The following CYP2C19 variants were observed in gnomAD, a reference collection of about 807,000 sequenced individuals.
CYP2C19 encodes the protein cytochrome P450 2C19.
CYP2C19 carries 59 observed loss-of-function variants against 40.9 expected under a neutral mutation model. That is an observed-to-expected ratio of 1.44 (90% confidence interval 1.17 to 1.79). The LOEUF is 1.79. CYP2C19 is among the 40% of genes most tolerant of loss of function. The probability of loss-of-function intolerance (pLI) is 0.00; values close to 1 mark genes in which losing one functional copy is unlikely to be tolerated. For missense variants in CYP2C19, 754 were observed against 596.9 expected (o/e 1.26, Z -2.74); for synonymous variants, 253 against 208.7 (o/e 1.21, Z -1.83).
At chr10:94,771,752 T>G (rs1166328005) in intron 1 of CYP2C19, among the ~76,000 whole-genome samples, 1 of 152,088 alleles carries the variant, frequency 6.6e-6, no homozygotes, top group Non-Finnish European at 1.5e-5. Context: ...TCAGAATAGT[T>G]GCACTCACTG....
chr10:94,826,126 G>A (rs1175061799), intron 6 of CYP2C19, among the ~76,000 whole-genome samples: 4 of 152,140 alleles, frequency 2.6e-5, no homozygotes, highest in Non-Finnish European at 5.9e-5. Flanking sequence ...GCTTAGGAAT[G>A]ACTTGGTGAT....
chr10:94,811,366 G>A (rs1442142864), intron 5 of CYP2C19, among the ~76,000 whole-genome samples: 3 of 152,116 alleles, frequency 2.0e-5, no homozygotes, highest in African/African-American at 7.2e-5. Context: ...TGTTGATTTA[G>A]GGTGGAGAGT....
rs1848842131 is a variant in CYP2C19 at position 94,806,772 on chromosome 10, CA to C, written c.820-13723del. On this transcript the variant is annotated intron_variant, in intron 5 of 8. Coordinates refer to ENST00000371321, the MANE Select transcript of CYP2C19 (RefSeq NM_000769.4). Reference sequence around the variant, plus strand: ...ATTTATAATTTATTATTTTAGTGGGCACAATAATTGTACATATTTATGGGGT... The same window carrying C: ...ATTTATAATTTATTATTTTAGTGGGCCAATAATTGTACATATTTATGGGGT... Among the ~76,000 whole-genome samples the C allele has an allele frequency of 2.7e-5, 4 of 149,856 alleles. No individual in the cohort carries two copies. The South Asian group carries it at 6.3e-4, about 24-fold the overall frequency.
chr10:94,813,043 G>A (rs574492381), intron 5 of CYP2C19, among the ~76,000 whole-genome samples: 1 of 151,760 alleles, frequency 6.6e-6, no homozygotes, highest in Admixed American at 6.6e-5. Context: ...CCTTTGAATG[G>A]GTTTTTTGCG....
chr10:94,780,194 C>T (rs1246603118), intron 3 of CYP2C19, among the ~76,000 whole-genome samples: 1 of 152,090 alleles, frequency 6.6e-6, no homozygotes, highest in Non-Finnish European at 1.5e-5. Context: ...CCCTCTGAAA[C>T]TTGAATTATT....
At chr10:94,852,649 G>C in intron 8 of CYP2C19, 84 bp from the exon 9 acceptor site, 2 of 1,457,348 alleles carry the variant, frequency 1.4e-6, no homozygotes, top group South Asian at 2.3e-5. Context: ...TGCATATTCT[G>C]TCTGTGCCAG....
intron 3 of CYP2C19, among the ~76,000 whole-genome samples, chr10:94,778,831 C>A (rs1564662380): frequency 6.6e-6 from 1 of 152,112 alleles, no homozygotes; most frequent in Non-Finnish European, 1.5e-5. Flanking sequence ...TATTGCAGCA[C>A]TATTTACAAT....
At chr10:94,831,488 A>T (rs1289759683) in intron 6 of CYP2C19, among the ~76,000 whole-genome samples, 1 of 152,256 alleles carries the variant, frequency 6.6e-6, no homozygotes, top group Non-Finnish European at 1.5e-5. Context: ...ACAGCTCTCC[A>T]TAGTGGTCAT....
At chr10:94,826,749 G>T (rs1459602867) in intron 6 of CYP2C19, among the ~76,000 whole-genome samples, 1 of 152,152 alleles carries the variant, frequency 6.6e-6, no homozygotes, top group Admixed American at 6.5e-5. Flanking sequence ...TTTTCAAAGG[G>T]AATGCTTCCA....
chr10:94,763,755 C>G (rs577345260), intron 1 of CYP2C19, among the ~76,000 whole-genome samples: 1 of 151,858 alleles, frequency 6.6e-6, no homozygotes, highest in Non-Finnish European at 1.5e-5. Flanking sequence ...TTGAAGGCCC[C>G]GTGTTATTAG....
At chr10:94,832,157 A>G (rs973579618) in intron 6 of CYP2C19, among the ~76,000 whole-genome samples, 1 of 152,174 alleles carries the variant, frequency 6.6e-6, no homozygotes, top group Non-Finnish European at 1.5e-5. Flanking sequence ...TATTGATGAG[A>G]TGGTCTTTCC....
At chr10:94,851,575 T>C (rs545784047) in intron 8 of CYP2C19, among the ~76,000 whole-genome samples, 5 of 152,298 alleles carry the variant, frequency 3.3e-5, no homozygotes, top group South Asian at 2.1e-4. Context: ...AGGCAACTGA[T>C]AAATAACAGA....
Position 94,816,335 on chromosome 10 carries a change from G to A in CYP2C19, c.820-4161G>A, listed in dbSNP as rs559247420. On this transcript the variant is annotated intron_variant, in intron 5 of 8. Coordinates refer to ENST00000371321, the MANE Select transcript of CYP2C19 (RefSeq NM_000769.4). ...ATTGTTTATGCAAAACAAAGTAGCC[G>A]GTATAATTAGACAGTCATTTGTAAC... 3.3e-3 allele frequency among the ~76,000 whole-genome samples: 498 copies of A among 150,432 alleles called. 3 individuals are homozygous for A. Among genetic ancestry groups the A allele is most frequent in the African/African-American group, 0.011 (455 of 40,966 alleles).
chr10:94,835,403 G>C lies in CYP2C19; in HGVS notation c.962-7434G>C, dbSNP rs1015822886. Among the ~76,000 whole-genome samples, 18 of 152,122 alleles carry C rather than the reference G, an allele frequency of 1.2e-4. 1 individual carries two copies. Among genetic ancestry groups the C allele is most frequent in the Non-Finnish European group, 2.2e-4 (15 of 68,026 alleles). On this transcript the variant is annotated intron_variant, in intron 6 of 8. Transcript: ENST00000371321. ...CTTTTTTGGTGGCTAGCCATCCCGA[G>C]GGGAGAAAACTATGTCTTCATGAGG...
intron 5 of CYP2C19, among the ~76,000 whole-genome samples, chr10:94,804,805 T>G (rs1330352909): frequency 2.0e-5 from 3 of 152,234 alleles, no homozygotes; most frequent in African/African-American, 7.2e-5. Flanking sequence ...AAAGTTGATC[T>G]TTATGTACTG....
At chr10:94,842,789 T>A in intron 6 of CYP2C19, 48 bp from the exon 7 acceptor site, 1 of 1,592,132 alleles carries the variant, frequency 6.3e-7, no homozygotes, top group Non-Finnish European at 8.6e-7. Flanking sequence ...CTAGAACAAA[T>A]GTTCCATTTC....
intron 5 of CYP2C19, among the ~76,000 whole-genome samples, chr10:94,811,672 G>A (rs1032203570): frequency 6.6e-6 from 1 of 151,996 alleles, no homozygotes; most frequent in Non-Finnish European, 1.5e-5. Flanking sequence ...GGTTTAAAGT[G>A]TGTTTTATCA....
chr10:94,768,056 G>A (rs1848272374), intron 1 of CYP2C19, among the ~76,000 whole-genome samples: 1 of 152,164 alleles, frequency 6.6e-6, no homozygotes, highest in African/African-American at 2.4e-5. Context: ...TGCACTGAGT[G>A]CAATAACTCC....
intron 5 of CYP2C19, among the ~76,000 whole-genome samples, chr10:94,785,403 C>T (rs906532381): frequency 1.3e-5 from 2 of 152,106 alleles, no homozygotes; most frequent in Non-Finnish European, 2.9e-5. Flanking sequence ...TGACTCATCA[C>T]CATTTGTTGA....
Sources: gnomAD v4.1 joint callset for allele counts (sites outside exome capture counted in the v4.1 genomes callset) on GRCh38, gnomAD v4.1.1 for gene constraint, MANE v1.5 for transcripts, NCBI Gene and HGNC (gene_info 2026-07-23, HGNC 2026-07-21) for gene names.